Variants in PTPRG observed in about 807,000 individuals in gnomAD.
The protein encoded by PTPRG is protein tyrosine phosphatase receptor type G, also known as receptor-type tyrosine-protein phosphatase gamma.
PTPRG carries 102 observed loss-of-function variants against 165.3 expected under a neutral mutation model. That is an observed-to-expected ratio of 0.62 (90% confidence interval 0.53 to 0.73). The LOEUF (loss-of-function observed/expected upper bound fraction) is 0.73, where lower values mean the gene tolerates loss of function less well. PTPRG is among the 30% of genes least tolerant of loss of function. PTPRG has a pLI of 0.00. For synonymous variants in PTPRG, 675 were observed against 669.5 expected (o/e 1.01, Z -0.13); for missense variants, 1,866 against 1,861.4 (o/e 1.00, Z -0.05).
intron 2 of PTPRG, among the ~76,000 whole-genome samples, chr3:61,865,565 A>G (rs111333912): frequency 1.3e-5 from 2 of 152,230 alleles, no homozygotes; most frequent in Admixed American, 6.5e-5. Context: ...TAAGGGTACT[A>G]CCTTCATATG....
chr3:61,857,164 C>T (rs2037131270), intron 2 of PTPRG, among the ~76,000 whole-genome samples: 1 of 151,932 alleles, frequency 6.6e-6, no homozygotes, highest in African/African-American at 2.4e-5. Flanking sequence ...TAACCAATGC[C>T]TCATCACTCC....
intron 3 of PTPRG, among the ~76,000 whole-genome samples, chr3:61,990,547 T>C (rs1217254469): frequency 6.6e-6 from 1 of 152,226 alleles, no homozygotes; most frequent in Non-Finnish European, 1.5e-5. Flanking sequence ...TATCAGTTTA[T>C]AGATTGTCCT....
chr3:61,760,738 C>T (rs904693639), intron 2 of PTPRG, among the ~76,000 whole-genome samples: 10 of 152,298 alleles, frequency 6.6e-5, no homozygotes, highest in African/African-American at 2.4e-4. Context: ...ATTAGCTATT[C>T]TTCCTGATGC....
At chr3:62,005,180 A>G (rs2041266485) in intron 4 of PTPRG, among the ~76,000 whole-genome samples, 1 of 152,194 alleles carries the variant, frequency 6.6e-6, no homozygotes, top group Non-Finnish European at 1.5e-5. Flanking sequence ...TTCTTCCTGC[A>G]TTAGGACTCC....
At chr3:61,974,562 ATT>A (rs35145176) in intron 2 of PTPRG, among the ~76,000 whole-genome samples, 35 of 51,154 alleles carry the variant, frequency 6.8e-4, no homozygotes, top group Non-Finnish European at 1.0e-3. Context: ...TAAAAAAAAA[ATT>A]TTTTTTTAAA....
chr3:61,862,012 C>G (rs1209378843), intron 2 of PTPRG, among the ~76,000 whole-genome samples: 1 of 152,110 alleles, frequency 6.6e-6, no homozygotes, highest in Non-Finnish European at 1.5e-5. Context: ...ACAGGGGTCT[C>G]CAACTCCACG....
chr3:61,605,575 T>A (rs1458012630), intron 1 of PTPRG, among the ~76,000 whole-genome samples: 4 of 151,346 alleles, frequency 2.6e-5, no homozygotes, highest in Non-Finnish European at 4.4e-5. Context: ...ATTTTTTTGT[T>A]TTTTTTATTT....
At chr3:62,141,325 G>T (rs905200880) in intron 6 of PTPRG, among the ~76,000 whole-genome samples, 1 of 152,106 alleles carries the variant, frequency 6.6e-6, no homozygotes, top group Non-Finnish European at 1.5e-5. Flanking sequence ...AGATGTATAG[G>T]CCAGGCGCGG....
Position 62,233,202 on chromosome 3 carries a change from C to CATGTGAAT in PTPRG, c.2375+1891_2375+1892insATGTGAAT, listed in dbSNP as rs1659604524. ...GCGTGAATCCTGAGCAGTACCCCCT[C>CATGTGAAT]TCACAGCTACATGTGCTATGCTAAG... On this transcript the variant is annotated intron_variant, in intron 14 of 29. Coordinates refer to ENST00000474889, the MANE Select transcript of PTPRG (RefSeq NM_002841.4). The surrounding 1 kb of genome is among the most constrained non-coding windows in gnomAD (Gnocchi z 4.7). Among the ~76,000 whole-genome samples the CATGTGAAT allele has an allele frequency of 6.6e-6, 1 of 152,082 alleles. No homozygotes were observed. The highest frequency in any genetic ancestry group is 2.1e-4 in the South Asian group (1 of 4,834).
At chr3:61,698,597 T>C (rs2030746404) in intron 1 of PTPRG, among the ~76,000 whole-genome samples, 1 of 152,218 alleles carries the variant, frequency 6.6e-6, no homozygotes, top group Admixed American at 6.5e-5. Flanking sequence ...GCAGTGGTTC[T>C]GAAACCTTTT....
chr3:62,033,492 T>A (rs1003556064), intron 4 of PTPRG, among the ~76,000 whole-genome samples: 5 of 150,968 alleles, frequency 3.3e-5, no homozygotes, highest in Non-Finnish European at 7.4e-5. Context: ...GCCTCGCAAG[T>A]AGCTAGGACC....
intron 2 of PTPRG, among the ~76,000 whole-genome samples, chr3:61,816,518 C>T (rs1007015054): frequency 4.6e-5 from 7 of 152,042 alleles, no homozygotes; most frequent in African/African-American, 9.7e-5. Flanking sequence ...GGTGACACAG[C>T]GAGACTCCCT....
intron 2 of PTPRG, among the ~76,000 whole-genome samples, chr3:61,960,925 G>C (rs1056909898): frequency 2.0e-5 from 3 of 152,088 alleles, no homozygotes; most frequent in Non-Finnish European, 4.4e-5. Context: ...ACCCTTCACT[G>C]ATCAGCTGTG....
At chr3:61,654,938 T>C (rs900472091) in intron 1 of PTPRG, among the ~76,000 whole-genome samples, 2 of 151,852 alleles carry the variant, frequency 1.3e-5, no homozygotes, top group Non-Finnish European at 2.9e-5. Context: ...CCCACCACCA[T>C]GCCCAGCTAC....
chr3:61,590,461 T>C (rs1700541444), intron 1 of PTPRG, among the ~76,000 whole-genome samples: 1 of 152,012 alleles, frequency 6.6e-6, no homozygotes, highest in Admixed American at 6.5e-5. Flanking sequence ...GAGGTGGAGA[T>C]TGTGGTGAGC....
chr3:61,649,888 T>A (rs1702302692), intron 1 of PTPRG, among the ~76,000 whole-genome samples: 1 of 152,222 alleles, frequency 6.6e-6, no homozygotes, highest in African/African-American at 2.4e-5. Context: ...CTTATGTCCC[T>A]GAGCTCATTA....
intron 2 of PTPRG, among the ~76,000 whole-genome samples, chr3:61,803,957 T>A (rs2035333259): frequency 6.6e-6 from 1 of 152,204 alleles, no homozygotes; most frequent in South Asian, 2.1e-4. Context: ...CCCTTAGAGT[T>A]GATTTATGGT....
intron 8 of PTPRG, among the ~76,000 whole-genome samples, chr3:62,180,199 G>A (rs555691124): frequency 2.6e-5 from 4 of 152,270 alleles, no homozygotes; most frequent in South Asian, 2.1e-4. Flanking sequence ...ATTTCCTGAC[G>A]TGGCTGTTGG....
At chr3:61,850,781 A>G (rs1169130258) in intron 2 of PTPRG, among the ~76,000 whole-genome samples, 1 of 152,234 alleles carries the variant, frequency 6.6e-6, no homozygotes, top group Non-Finnish European at 1.5e-5. Flanking sequence ...AGACCCATTT[A>G]AAATTTTAAT....
Sources: gnomAD v4.1 joint callset for allele counts (sites outside exome capture counted in the v4.1 genomes callset) on GRCh38, gnomAD v4.1.1 for gene constraint, Gnocchi (gnomAD v3.1) non-coding constraint, MANE v1.5 for transcripts, NCBI Gene and HGNC (gene_info 2026-07-23, HGNC 2026-07-21) for gene names.